The following FABP6 variants were observed in gnomAD, a reference collection of about 807,000 sequenced individuals.
FABP6 encodes the protein gastrotropin.
FABP6 carries 13 observed loss-of-function variants against 14.9 expected under a neutral mutation model. The ratio of observed to expected loss-of-function variants is 0.87; its 90% CI spans 0.57 to 1.39. The LOEUF (loss-of-function observed/expected upper bound fraction) is 1.39. Among genes scored for constraint, FABP6 ranks in the 40% most tolerant of loss-of-function variants. The pLI is 0.00. For synonymous variants in FABP6, 75 were observed against 63.6 expected (o/e 1.18, Z -0.85); for missense variants, 161 against 167.2 (o/e 0.96, Z 0.20).
At chr5:160,216,494 C>T (rs1229447721) in intron 3 of FABP6, among the ~76,000 whole-genome samples, 2 of 152,114 alleles carry the variant, frequency 1.3e-5, no homozygotes, top group Non-Finnish European at 2.9e-5. Flanking sequence ...TCTCGAACTC[C>T]TGACCTCGGA....
At chr5:160,207,397 G>T (rs1428057025) in intron 2 of FABP6, among the ~76,000 whole-genome samples, 1 of 152,126 alleles carries the variant, frequency 6.6e-6, no homozygotes, top group African/African-American at 2.4e-5. Flanking sequence ...TTTCTTTCTG[G>T]CTTTTGTATG....
upstream of FABP6, chr5:160,228,399 A>C (rs1436572178): frequency 2.2e-6 from 1 of 455,666 alleles, no homozygotes; most frequent in South Asian, 1.6e-5. Context: ...CTCAAAAATA[A>C]ATAAATACAT....
chr5:160,207,405 A>G (rs771275675), intron 2 of FABP6, among the ~76,000 whole-genome samples: 1 of 152,188 alleles, frequency 6.6e-6, no homozygotes, highest in Non-Finnish European at 1.5e-5. Context: ...TGGCTTTTGT[A>G]TGGGGTTATT....
chr5:160,215,807 T>C (rs964332298), intron 3 of FABP6, among the ~76,000 whole-genome samples: 1 of 152,012 alleles, frequency 6.6e-6, no homozygotes, highest in Non-Finnish European at 1.5e-5. Context: ...CCAGCTGCTG[T>C]TGTGAGGAAT....
intron 2 of FABP6, among the ~76,000 whole-genome samples, chr5:160,211,153 C>A (rs906560963): frequency 2.6e-5 from 4 of 152,124 alleles, no homozygotes; most frequent in African/African-American, 9.7e-5. Flanking sequence ...GAGAAGTCAT[C>A]ATGGGCACTT....
intron 2 of FABP6, chr5:160,199,233 T>A: frequency 6.8e-7 from 1 of 1,476,736 alleles, no homozygotes; most frequent in South Asian, 1.1e-5. Context: ...GGAGAACACC[T>A]TGGGTGGGGG....
chr5:160,194,506 A>G (rs148217830), intron 1 of FABP6, among the ~76,000 whole-genome samples: 2 of 152,086 alleles, frequency 1.3e-5, no homozygotes, highest in East Asian at 3.9e-4. Context: ...GCACCATTGC[A>G]CTCCAGCCTG....
intron 3 of FABP6, among the ~76,000 whole-genome samples, chr5:160,215,273 G>A (rs1759986215): frequency 1.3e-5 from 2 of 152,308 alleles, no homozygotes; most frequent in African/African-American, 2.4e-5. Context: ...CGGCACTTTG[G>A]GAGGACAAGG....
chr5:160,221,570 C>A (rs965758486), intron 3 of FABP6, among the ~76,000 whole-genome samples: 1 of 152,142 alleles, frequency 6.6e-6, no homozygotes, highest in African/African-American at 2.4e-5. Flanking sequence ...TCTCCATTAC[C>A]GTGGTAAAAT....
chr5:160,191,052 G>A (rs1433422948), intron 1 of FABP6, among the ~76,000 whole-genome samples: 3 of 141,794 alleles, frequency 2.1e-5, no homozygotes, highest in African/African-American at 5.3e-5. Context: ...TCATGCCACC[G>A]CACTCCAGCC....
chr5:160,230,715 A>G (rs1561755667), intron 1 of FABP6, among the ~76,000 whole-genome samples: 1 of 152,122 alleles, frequency 6.6e-6, no homozygotes, highest in East Asian at 1.9e-4. Flanking sequence ...AGTGTTACCA[A>G]TGGGGACTCA....
chr5:160,195,283 C>CAAAAAAAA (rs57229719), intron 1 of FABP6, among the ~76,000 whole-genome samples: 22 of 63,606 alleles, frequency 3.5e-4, no homozygotes, highest in African/African-American at 1.2e-3. Context: ...GACTCTGTCT[C>CAAAAAAAA]AAAAAAAAAA....
intron 2 of FABP6, among the ~76,000 whole-genome samples, chr5:160,207,723 CTTTTT>C (rs139123590): frequency 8.0e-6 from 1 of 124,320 alleles, no homozygotes; most frequent in Non-Finnish European, 1.7e-5. Flanking sequence ...TCTTTACCTC[CTTTTT>C]TTTTTTTTTT....
intron 2 of FABP6, 131 bp downstream of exon 2, chr5:160,232,404 T>A: frequency 2.2e-6 from 2 of 897,854 alleles, no homozygotes; most frequent in Non-Finnish European, 3.3e-6. Flanking sequence ...GAGCTTGAGT[T>A]ACTTGGCAAT....
intron 2 of FABP6, among the ~76,000 whole-genome samples, chr5:160,233,752 A>G (rs1760445238): frequency 6.6e-6 from 1 of 152,074 alleles, no homozygotes. Flanking sequence ...CGGTGCCTGT[A>G]ATCCCAGCTA....
At chr5:160,190,958 A>AC (rs1759381589) in intron 1 of FABP6, among the ~76,000 whole-genome samples, 1 of 150,946 alleles carries the variant, frequency 6.6e-6, no homozygotes, top group Non-Finnish European at 1.5e-5. Flanking sequence ...TAAACATGAA[A>AC]AAAAAAAAAT....
chr5:160,238,529 T>C, intron 3 of FABP6, 77 bp from the exon 4 acceptor site: 2 of 1,293,694 alleles, frequency 1.5e-6, no homozygotes, highest in Non-Finnish European at 2.2e-6. Flanking sequence ...GGTTGGAGAC[T>C]CATCTTCCTT....
chr5:160,232,022 G>A (rs917680183), intron 1 of FABP6, 76 bp from the exon 2 acceptor site: 20 of 1,529,470 alleles, frequency 1.3e-5, no homozygotes, highest in Non-Finnish European at 1.7e-5. Context: ...GTGGGGGTGG[G>A]CAGGAAAGCT....
intron 2 of FABP6, among the ~76,000 whole-genome samples, chr5:160,205,924 T>A (rs866593677): frequency 1.3e-5 from 2 of 152,234 alleles, no homozygotes; most frequent in Non-Finnish European, 2.9e-5. Context: ...TCATGAGAGA[T>A]ATTAACTTGA....
Sources: gnomAD v4.1 joint callset for allele counts (sites outside exome capture counted in the v4.1 genomes callset) on GRCh38, gnomAD v4.1.1 for gene constraint, MANE v1.5 for transcripts, NCBI Gene and HGNC (gene_info 2026-07-23, HGNC 2026-07-21) for gene names.